USP1: variants seen among roughly 807,000 people sequenced by gnomAD.
USP1 encodes the protein ubiquitin specific peptidase 1.
A neutral mutation model predicts 72.2 loss-of-function variants in USP1; 18 were observed. That is an observed-to-expected ratio of 0.25 (90% CI 0.17 to 0.37). The LOEUF is 0.37. USP1 is among the 10% of genes least tolerant of loss of function. The probability of loss-of-function intolerance (pLI) is 1.00; values close to 1 mark genes in which losing one functional copy is unlikely to be tolerated. For synonymous variants in USP1, 354 were observed against 303.7 expected (o/e 1.17, Z -1.72); for missense variants, 759 against 884.9 (o/e 0.86, Z 1.81).
chr1:62,449,997 A>G (rs894434680), intron 8 of USP1, among the ~76,000 whole-genome samples: 1 of 152,116 alleles, frequency 6.6e-6, no homozygotes, highest in Non-Finnish European at 1.5e-5. Flanking sequence ...AAATTAGGAA[A>G]ATAAAGGAAA....
At position 62,450,239 on chromosome 1, in the gene USP1, C is replaced by T; in HGVS notation, c.1623-7C>T. On this transcript the variant is annotated splice_region_variant and splice_polypyrimidine_tract_variant and intron_variant, in intron 8 of 8. Transcript: ENST00000339950. ...GCAGGAAACCTTTTCTTTTTTTCCT[C>T]CCAAAGGTTTGATTGTTATGGTGGT... 6.3e-7 allele frequency: 1 copy of T among 1,593,136 alleles called. No homozygotes were observed. The highest frequency in any genetic ancestry group is 1.4e-5 in the African/African-American group (1 of 73,856).
At chr1:62,438,080 G>A (rs546138192) in intron 1 of USP1, among the ~76,000 whole-genome samples, 5 of 152,174 alleles carry the variant, frequency 3.3e-5, no homozygotes, top group Admixed American at 1.3e-4. Context: ...AAATAGCAAG[G>A]AAGATACTGC....
At chr1:62,450,098 TGG>T (rs1268077675) in intron 8 of USP1, 146 bp from the exon 9 acceptor site, 9 of 796,626 alleles carry the variant, frequency 1.1e-5, no homozygotes, top group Admixed American at 6.9e-5. Context: ...TATTCAAAGT[TGG>T]GGTCTTGTTT....
rs1474552968 is a variant in USP1 at position 62,451,192 on chromosome 1, G to A, written c.*211G>A. 4 of 434,442 alleles carry A rather than the reference G, an allele frequency of 9.2e-6. No homozygotes were observed. Among genetic ancestry groups the A allele is most frequent in the Non-Finnish European group, 1.2e-5 (3 of 260,052 alleles). The allele number at this position is 434,442 out of a possible 1,614,324, so 26.9% of individuals were successfully genotyped here. ...CTCAGTAGAGACTAGTGATGCATTA[G>A]CTTCTGGGAACAAACTTGTATCGGT... is the stretch of plus-strand genomic sequence containing the variant. On this transcript the variant is annotated 3_prime_UTR_variant, in exon 9 of 9. Transcript: ENST00000339950.
intron 5 of USP1, among the ~76,000 whole-genome samples, chr1:62,443,542 T>G (rs1057188359): frequency 6.6e-6 from 1 of 152,206 alleles, no homozygotes; most frequent in Non-Finnish European, 1.5e-5. Context: ...TTTATAGTCA[T>G]TCATATTTAT....
At chr1:62,436,864 G>C, upstream of USP1, 2 of 370,162 alleles carry the variant, frequency 5.4e-6, no homozygotes. Flanking sequence ...TAGGCTTTTG[G>C]GGAACTACAG....
chr1:62,437,347 C>A lies in USP1; in HGVS notation c.-123C>A. 2.5e-6 allele frequency: 1 copy of A among 395,252 alleles called. No homozygotes were observed. The highest frequency in any genetic ancestry group is 4.5e-6 in the Non-Finnish European group (1 of 224,426). 24.5% of individuals were successfully genotyped at this position (395,252 alleles called of 1,614,324 possible). ...CTCACCTGTCGCACCCACACTCATT[C>A]GGGTTGGACTTGCCGGCGTCACCGC... On this transcript the variant is annotated 5_prime_UTR_variant, in exon 1 of 9. Transcript: ENST00000339950.
At chr1:62,437,773 C>T (rs895695008) in intron 1 of USP1, among the ~76,000 whole-genome samples, 1 of 152,216 alleles carries the variant, frequency 6.6e-6, no homozygotes, top group African/African-American at 2.4e-5. Context: ...CGCAGGTTGC[C>T]CTGTGTCGGT....
intron 3 of USP1, among the ~76,000 whole-genome samples, chr1:62,441,840 T>C (rs1352687965): frequency 7.9e-5 from 12 of 152,184 alleles, no homozygotes; most frequent in Non-Finnish European, 8.8e-5. Context: ...AGACCTTAAG[T>C]GGAAGGTCAA....
chr1:62,450,205 A>G lies in USP1; in HGVS notation c.1623-41A>G, dbSNP rs763128551. The G allele has an allele frequency of 1.9e-6, 3 of 1,562,920 alleles. No homozygotes were observed. The Admixed American group carries it at 5.8e-5, about 30-fold the overall frequency. ...TTGGGGTATAACATTTTGAATTTAA[A>G]ATAGAACTGCAGGAAACCTTTTCTT... is the stretch of plus-strand genomic sequence containing the variant. On this transcript the variant is annotated intron_variant, in intron 8 of 8. Transcript: ENST00000339950.
rs1645181810 is a variant in USP1 at position 62,447,222 on chromosome 1, T to C, written c.1250-119T>C. 4 of 988,166 alleles carry C rather than the reference T, an allele frequency of 4.0e-6. No individual in the cohort carries two copies. In the South Asian group the frequency reaches 7.2e-5, roughly 18 times the overall value. The allele number at this position is 988,166 out of a possible 1,614,324, so 61.2% of individuals were successfully genotyped here. On this transcript the variant is annotated intron_variant, in intron 6 of 8. Coordinates refer to ENST00000339950, the MANE Select transcript of USP1 (RefSeq NM_003368.5). Reference sequence around the variant, plus strand: ...TAATAAGCTAATAATGCTAATAAGCTGATCTATGAAAATGGAACTGTTATT... The same window carrying C: ...TAATAAGCTAATAATGCTAATAAGCCGATCTATGAAAATGGAACTGTTATT...
chr1:62,450,515 A>T lies in USP1; in HGVS notation c.1892A>T (p.Glu631Val), dbSNP rs1191753881. ...AAGCCAGAACCATTGAATGAGGAGG[A>T]AGCAAGGGGTGTGGTTGAGAATTAT... The part of the protein sequence containing the change: ...IGKPEPLNEE[E>V]ARGVVENYND... The change falls in exon 9 of 9, where the codon GAA becomes GTA. Residue 631 changes from glutamate (E) to valine (V), a missense_variant. Transcript: ENST00000339950. The T allele has an allele frequency of 6.2e-7, 1 of 1,614,064 alleles. No individual in the cohort carries two copies. The highest frequency in any genetic ancestry group is 8.5e-7 in the Non-Finnish European group (1 of 1,180,028).
intron 1 of USP1, among the ~76,000 whole-genome samples, chr1:62,437,759 T>G (rs1645101231): frequency 6.6e-6 from 1 of 152,252 alleles, no homozygotes; most frequent in Non-Finnish European, 1.5e-5. Flanking sequence ...AAGAAACGTT[T>G]CCACGCAGGT....
chr1:62,436,996 A>G (rs1309691663), upstream of USP1: 4 of 397,408 alleles, frequency 1.0e-5, no homozygotes. Flanking sequence ...CGCCACGTTC[A>G]ATCGCAGCGC....
intron 5 of USP1, 117 bp from the exon 6 acceptor site, chr1:62,444,619 CTT>C: frequency 1.2e-6 from 1 of 846,356 alleles, no homozygotes; most frequent in Non-Finnish European, 1.7e-6. Context: ...GAATAAATGT[CTT>C]GACATTTAAA....
At chr1:62,446,191 G>A (rs1168967073) in intron 6 of USP1, among the ~76,000 whole-genome samples, 1 of 151,978 alleles carries the variant, frequency 6.6e-6, no homozygotes, top group Non-Finnish European at 1.5e-5. Context: ...TGAATTTCAC[G>A]GTGTACTTAC....
intron 5 of USP1, 53 bp downstream of exon 5, chr1:62,443,372 C>T (rs1645146552): frequency 6.8e-7 from 1 of 1,477,392 alleles, no homozygotes; most frequent in African/African-American, 1.4e-5. Context: ...TGTTTATATC[C>T]TTGGAGGAGA....
At position 62,442,182 on chromosome 1, in the gene USP1, T is replaced by C. The variant is rs113084143; in HGVS notation, c.292-13T>C. 1 of 1,507,286 alleles carries C rather than the reference T, an allele frequency of 6.6e-7. No individual in the cohort carries two copies. Among genetic ancestry groups the C allele is most frequent in the Non-Finnish European group, 9.1e-7 (1 of 1,095,486 alleles). The allele number at this position is 1,507,286 out of a possible 1,614,324, so 93.4% of individuals were successfully genotyped here. A position where few individuals can be genotyped will look rare whatever the true frequency, so the allele number is the denominator to read the frequency against. On this transcript the variant is annotated splice_polypyrimidine_tract_variant and intron_variant, in intron 3 of 8. Coordinates refer to ENST00000339950, the MANE Select transcript of USP1 (RefSeq NM_003368.5). ...TGTTCAGTAAACACTTAAGACAATC[T>C]CACTTTTTATAGGTATTATATTTTT...
chr1:62,443,888 A>G (rs1371881999), intron 5 of USP1, among the ~76,000 whole-genome samples: 1 of 152,212 alleles, frequency 6.6e-6, no homozygotes, highest in Admixed American at 6.5e-5. Context: ...ATACAATTAT[A>G]GGGCAAGTCT....
Sources: allele counts gnomAD v4.1 joint callset (sites outside exome capture counted in the v4.1 genomes callset), GRCh38; gene constraint gnomAD v4.1.1; transcripts MANE v1.5; gene names NCBI Gene and HGNC (gene_info 2026-07-23, HGNC 2026-07-21).